Variants in PLCG2 observed in about 807,000 individuals in gnomAD.
PLCG2 encodes the protein phospholipase C gamma 2.
PLCG2 carries 69 observed loss-of-function variants against 175.6 expected under a neutral mutation model. The ratio of observed to expected loss-of-function variants is 0.39; its 90% CI spans 0.32 to 0.48. The LOEUF (loss-of-function observed/expected upper bound fraction) is 0.48. PLCG2 is among the 20% of genes least tolerant of loss of function. PLCG2 has a pLI of 0.91. For synonymous variants in PLCG2, 827 were observed against 624.0 expected (o/e 1.33, Z -4.85); for missense variants, 1,798 against 1,650.9 (o/e 1.09, Z -1.54).
At chr16:81,803,898 T>C (rs1267016233) in intron 2 of PLCG2, among the ~76,000 whole-genome samples, 1 of 152,142 alleles carries the variant, frequency 6.6e-6, no homozygotes, top group Non-Finnish European at 1.5e-5. Flanking sequence ...GCCAAGCTAG[T>C]CTTGAACTCC....
intron 14 of PLCG2, among the ~76,000 whole-genome samples, chr16:81,901,417 C>A (rs900328800): frequency 6.6e-6 from 1 of 152,172 alleles, no homozygotes; most frequent in Non-Finnish European, 1.5e-5. Context: ...CTTCCCCATG[C>A]GAGGGAGAAT....
intron 2 of PLCG2, among the ~76,000 whole-genome samples, chr16:81,789,413 C>T (rs1365630742): frequency 2.0e-5 from 3 of 152,214 alleles, no homozygotes; most frequent in African/African-American, 7.2e-5. Flanking sequence ...GCCCAGTCTC[C>T]CAAGTAGCTG....
chr16:81,935,631 A>ATGAG, intron 26 of PLCG2: 1 of 985,388 alleles, frequency 1.0e-6, no homozygotes, highest in East Asian at 1.1e-4. Flanking sequence ...CAGCAGGCTC[A>ATGAG]GCATGTTGAC....
At chr16:81,874,352 A>G (rs539218604) in intron 7 of PLCG2, among the ~76,000 whole-genome samples, 7 of 152,264 alleles carry the variant, frequency 4.6e-5, no homozygotes, top group Admixed American at 2.0e-4. Flanking sequence ...GGCAACCCTC[A>G]TCTCCACTGT....
chr16:81,808,052 A>G (rs887031113), intron 2 of PLCG2, among the ~76,000 whole-genome samples: 2 of 152,220 alleles, frequency 1.3e-5, no homozygotes, highest in South Asian at 2.1e-4. Context: ...TGCAAACAAT[A>G]TTAGGTTGTT....
At chr16:81,813,299 A>G (rs990707525) in intron 2 of PLCG2, among the ~76,000 whole-genome samples, 1 of 152,216 alleles carries the variant, frequency 6.6e-6, no homozygotes, top group Non-Finnish European at 1.5e-5. Flanking sequence ...CTTCCTGTCC[A>G]TGAGCATGGA....
At chr16:81,757,008 G>A (rs1388446298) in intron 2 of PLCG2, among the ~76,000 whole-genome samples, 1 of 152,246 alleles carries the variant, frequency 6.6e-6, no homozygotes, top group South Asian at 2.1e-4. Context: ...GTGGTAGGAA[G>A]TGTAGTGACT....
At position 81,961,400 on chromosome 16, in the gene PLCG2, T is replaced by C; in HGVS notation, c.*3402T>C. ...ATACATTTCCAAAGAAGTTTTACTA[T>C]GTTTAATAATTTAGTGAAATTTGGG... On this transcript the variant is annotated 3_prime_UTR_variant, in exon 33 of 33. Coordinates refer to ENST00000564138, the MANE Select transcript of PLCG2 (RefSeq NM_002661.5). 1 of 226,988 alleles carries C rather than the reference T, an allele frequency of 4.4e-6. No homozygotes were observed. Among genetic ancestry groups the C allele is most frequent in the East Asian group, 6.4e-5 (1 of 15,586 alleles). 14.1% of individuals were successfully genotyped at this position (226,988 alleles called of 1,614,324 possible).
intron 22 of PLCG2, among the ~76,000 whole-genome samples, chr16:81,924,634 T>C (rs969620194): frequency 1.3e-5 from 2 of 152,254 alleles, no homozygotes; most frequent in African/African-American, 2.4e-5. Context: ...TCTTGCAAGA[T>C]GCCTTAATCC....
At position 81,744,603 on chromosome 16, in the gene PLCG2, G is replaced by T. The variant is rs1007072099; in HGVS notation, c.-145+5218G>T. ...GTGGGGATGATAAGGAGGCAAGTTT[G>T]TTTTTTTTAAGATAGTCGTGCTCTG... On this transcript the variant is annotated intron_variant, in intron 1 of 5. Coordinates refer to the PLCG2 transcript ENST00000565054. 1.1e-3 allele frequency among the ~76,000 whole-genome samples: 170 copies of T among 151,842 alleles called. 2 individuals are homozygous for T. The highest frequency in any genetic ancestry group is 4.0e-3 in the African/African-American group (164 of 41,356).
chr16:81,798,871 G>C (rs1171260663), intron 2 of PLCG2: 1 of 152,302 alleles, frequency 6.6e-6, no homozygotes, highest in East Asian at 1.9e-4. Flanking sequence ...CTCTGCTCCT[G>C]CTTCGGCTGG....
intron 2 of PLCG2, among the ~76,000 whole-genome samples, chr16:81,846,310 C>CA (rs1906114566): frequency 6.6e-6 from 1 of 152,170 alleles, no homozygotes; most frequent in South Asian, 2.1e-4. Context: ...CCCCGCCACT[C>CA]CCTATACAGT....
chr16:81,793,635 C>T lies in PLCG2; in HGVS notation c.193+7453C>T, dbSNP rs150121705. 7.4e-4 allele frequency among the ~76,000 whole-genome samples: 112 copies of T among 152,290 alleles called. 1 individual carries two copies. In the South Asian group the frequency reaches 0.014, roughly 19 times the overall value. On this transcript the variant is annotated intron_variant, in intron 2 of 32. Transcript: ENST00000564138. Reference sequence around the variant, plus strand: ...ACGGATTCTCAAACATATGAGCTGTCTGTTTCCTTGGTATTAGGTTCTTGG... The same window carrying T: ...ACGGATTCTCAAACATATGAGCTGTTTGTTTCCTTGGTATTAGGTTCTTGG...
rs566296896 is a variant in PLCG2 at position 81,795,953 on chromosome 16, A to G, written c.193+9771A>G. ...TGCCCTAGCCGCATGCTAGAAGAAC[A>G]GGGCCTAAGTTGGGGGGCATCCTTC... On this transcript the variant is annotated intron_variant, in intron 2 of 32. Coordinates refer to ENST00000564138, the MANE Select transcript of PLCG2 (RefSeq NM_002661.5). Among the ~76,000 whole-genome samples the G allele has an allele frequency of 4.6e-5, 7 of 152,340 alleles. No individual in the cohort carries two copies. The South Asian group carries it at 1.4e-3, about 32-fold the overall frequency.
At chr16:81,927,616 G>A (rs899994877) in intron 23 of PLCG2, among the ~76,000 whole-genome samples, 3 of 152,112 alleles carry the variant, frequency 2.0e-5, no homozygotes, top group Non-Finnish European at 2.9e-5. Flanking sequence ...TTGTTCCCTC[G>A]CCGCCTCTTG....
chr16:81,871,080 C>A (rs529559000), intron 7 of PLCG2, 145 bp downstream of exon 7: 7 of 527,310 alleles, frequency 1.3e-5, no homozygotes, highest in African/African-American at 1.2e-4. Flanking sequence ...GAAAGCATAC[C>A]ATTTTCATCC....
chr16:81,773,394 G>A (rs1213945334), intron 2 of PLCG2, among the ~76,000 whole-genome samples: 3 of 152,174 alleles, frequency 2.0e-5, no homozygotes, highest in African/African-American at 4.8e-5. Flanking sequence ...ACATGAGAAC[G>A]AGGGGCTTTT....
intron 27 of PLCG2, 35 bp from the exon 28 acceptor site, chr16:81,937,723 C>A (rs1180424178): frequency 6.2e-7 from 1 of 1,604,244 alleles, no homozygotes; most frequent in Non-Finnish European, 8.5e-7. Context: ...CGTGCTCATG[C>A]CTGACTTACA....
At chr16:81,827,189 G>GTTTTTTTTTTTTTTTT (rs1567484897) in intron 2 of PLCG2, among the ~76,000 whole-genome samples, 2 of 123,676 alleles carry the variant, frequency 1.6e-5, no homozygotes, top group African/African-American at 2.7e-5. Context: ...AGGATTGCTG[G>GTTTTTTTTTTTTTTTT]GTTTTTTTTT....
Sources: gnomAD v4.1 joint callset for allele counts (sites outside exome capture counted in the v4.1 genomes callset) on GRCh38, gnomAD v4.1.1 for gene constraint, MANE v1.5 for transcripts, NCBI Gene and HGNC (gene_info 2026-07-23, HGNC 2026-07-21) for gene names.